The following ENTREP1 variants were observed in gnomAD, a reference collection of about 807,000 sequenced individuals.
The protein encoded by ENTREP1 is Friedreich ataxia region gene X123.
At chr9:69,371,654 C>T in the ENTREP1 span, 1 of 1,288,964 alleles carries the variant, frequency 7.8e-7, no homozygotes, top group Non-Finnish European at 1.1e-6. Context: ...CAGACCCTGG[C>T]TTGTCAGGTG....
At chr9:69,346,175 G>T in the ENTREP1 span, among the ~76,000 whole-genome samples, 4 of 151,720 alleles carry the variant, frequency 2.6e-5, no homozygotes, top group African/African-American at 9.7e-5. Context: ...TAGAGACGGG[G>T]TTTCACCATG....
chr9:69,324,639 G>T, the ENTREP1 span: 8 of 985,376 alleles, frequency 8.1e-6, no homozygotes, highest in African/African-American at 1.4e-4. Flanking sequence ...AGGTAGGCAC[G>T]TCCTGCGCCC....
At chr9:69,329,793 C>T in the ENTREP1 span, 2 of 857,690 alleles carry the variant, frequency 2.3e-6, no homozygotes, top group Admixed American at 6.2e-5. Context: ...CTAGATTCCA[C>T]TGGGGTGTGG....
At chr9:69,368,845 TA>T in the ENTREP1 span, among the ~76,000 whole-genome samples, 1 of 152,128 alleles carries the variant, frequency 6.6e-6, no homozygotes. Flanking sequence ...TCTTTTTTTT[TA>T]AATTATACTT....
chr9:69,361,400 T>C, the ENTREP1 span, among the ~76,000 whole-genome samples: 1 of 152,194 alleles, frequency 6.6e-6, no homozygotes, highest in African/African-American at 2.4e-5. Flanking sequence ...TGCCCTTTTG[T>C]GTCTGGCTTC....
chr9:69,367,730 A>ATATATATACACATATATATAAAT, the ENTREP1 span, among the ~76,000 whole-genome samples: 4 of 52,010 alleles, frequency 7.7e-5, no homozygotes, highest in African/African-American at 1.9e-4. Context: ...TATATATAAA[A>ATATATATACACATATATATAAAT]ATATATATAT....
the ENTREP1 span, among the ~76,000 whole-genome samples, chr9:69,384,438 G>A: frequency 6.6e-6 from 1 of 152,160 alleles, no homozygotes; most frequent in African/African-American, 2.4e-5. Flanking sequence ...TGATATTCCT[G>A]TGTTTTCTGA....
the ENTREP1 span, among the ~76,000 whole-genome samples, chr9:69,359,193 A>C: frequency 1.3e-5 from 2 of 152,156 alleles, no homozygotes; most frequent in South Asian, 2.1e-4. Context: ...GACGTGAGCC[A>C]CTGCACCCAG....
At chr9:69,335,415 G>A in the ENTREP1 span, among the ~76,000 whole-genome samples, 10,386 of 152,232 alleles carry the variant, frequency 0.068, 1,152 homozygotes, top group African/African-American at 0.23. Flanking sequence ...AAGTTCTCAG[G>A]CAGCTAGGAG....
chr9:69,360,549 T>A, the ENTREP1 span, among the ~76,000 whole-genome samples: 1 of 152,204 alleles, frequency 6.6e-6, no homozygotes, highest in South Asian at 2.1e-4. Flanking sequence ...CATTTTTCTG[T>A]TATTATTGAT....
At chr9:69,340,621 G>GTGAA in the ENTREP1 span, among the ~76,000 whole-genome samples, 1 of 73,288 alleles carries the variant, frequency 1.4e-5, no homozygotes, top group African/African-American at 6.1e-5. Flanking sequence ...GCATGTGTGT[G>GTGAA]TGCATGTGTG....
chr9:69,363,663 C>T, the ENTREP1 span, among the ~76,000 whole-genome samples: 3 of 152,184 alleles, frequency 2.0e-5, no homozygotes, highest in Admixed American at 6.5e-5. Flanking sequence ...ACACAGCCAG[C>T]CTGAGGCTGC....
At chr9:69,367,613 A>G in the ENTREP1 span, among the ~76,000 whole-genome samples, 128 of 142,590 alleles carry the variant, frequency 9.0e-4, no homozygotes, top group African/African-American at 3.1e-3. Context: ...ATATATATAT[A>G]TACACACATA....
the ENTREP1 span, among the ~76,000 whole-genome samples, chr9:69,356,527 G>A: frequency 3.9e-5 from 6 of 152,284 alleles, no homozygotes; most frequent in Non-Finnish European, 8.8e-5. Context: ...TGAACCTTGA[G>A]AAGCTAAGAG....
the ENTREP1 span, among the ~76,000 whole-genome samples, chr9:69,341,091 G>T: frequency 6.6e-6 from 1 of 152,096 alleles, no homozygotes; most frequent in Non-Finnish European, 1.5e-5. Flanking sequence ...TTTTTCCTTG[G>T]TAGTACATTT....
the ENTREP1 span, among the ~76,000 whole-genome samples, chr9:69,365,129 G>A: frequency 5.9e-5 from 9 of 152,168 alleles, no homozygotes; most frequent in Non-Finnish European, 1.5e-5. Context: ...CAGATTGCAA[G>A]TGTTCAGTTA....
At chr9:69,360,076 T>C in the ENTREP1 span, among the ~76,000 whole-genome samples, 1 of 152,178 alleles carries the variant, frequency 6.6e-6, no homozygotes, top group Non-Finnish European at 1.5e-5. Context: ...TTGCTCAAGA[T>C]TATTCGGCTA....
chr9:69,390,644 A>G, the ENTREP1 span, among the ~76,000 whole-genome samples: 1 of 152,164 alleles, frequency 6.6e-6, no homozygotes, highest in South Asian at 2.1e-4. Context: ...GTTTGGGTTG[A>G]CTGTTTCTTT....
the ENTREP1 span, among the ~76,000 whole-genome samples, chr9:69,390,750 C>T: frequency 6.6e-6 from 1 of 152,230 alleles, no homozygotes; most frequent in Admixed American, 6.5e-5. Context: ...GGTGATCCTC[C>T]TGCCTCAGCC....
Sources: allele counts gnomAD v4.1 joint callset (sites outside exome capture counted in the v4.1 genomes callset), GRCh38; gene constraint gnomAD v4.1.1; transcripts MANE v1.5; gene names NCBI Gene and HGNC (gene_info 2026-07-23, HGNC 2026-07-21).